The following MDGA2 variants were observed in gnomAD, a reference collection of about 807,000 sequenced individuals.
MDGA2 encodes MAM domain-containing glycosylphosphatidylinositol anchor protein 2.
A neutral mutation model predicts 117.8 loss-of-function variants in MDGA2; 40 were observed. The observed-to-expected ratio is 0.34, with a 90% CI of 0.26 to 0.44. MDGA2 has a LOEUF of 0.44. Among genes scored for constraint, MDGA2 ranks in the 20% least tolerant of loss-of-function variants. The pLI is 1.00. For synonymous variants in MDGA2, 452 were observed against 439.0 expected, an observed-to-expected ratio of 1.03 and a Z score of -0.37; for missense variants, 1,123 against 1,250.6, an observed-to-expected ratio of 0.90 and a Z score of 1.54.
intron 1 of MDGA2, among the ~76,000 whole-genome samples, chr14:47,615,643 T>A (rs1026924025): frequency 2.0e-5 from 3 of 152,200 alleles, no homozygotes; most frequent in Non-Finnish European, 4.4e-5. Flanking sequence ...AGAGGACAAA[T>A]GCACATTGAC....
At chr14:47,172,109 AG>A (rs1884174782) in intron 3 of MDGA2, among the ~76,000 whole-genome samples, 1 of 152,176 alleles carries the variant, frequency 6.6e-6, no homozygotes. Context: ...CACCCACCAT[AG>A]CCCAGGCTTG....
intron 3 of MDGA2, among the ~76,000 whole-genome samples, chr14:47,188,610 T>C (rs1011767943): frequency 1.3e-5 from 2 of 152,214 alleles, no homozygotes; most frequent in African/African-American, 2.4e-5. Context: ...TTGGTTATTT[T>C]AAGCCATAAA....
At chr14:47,101,467 C>T (rs1880320699) in intron 5 of MDGA2, among the ~76,000 whole-genome samples, 2 of 152,140 alleles carry the variant, frequency 1.3e-5, no homozygotes, top group Non-Finnish European at 1.5e-5. Flanking sequence ...TCCCAAACAT[C>T]TGGATATTCA....
intron 2 of MDGA2, among the ~76,000 whole-genome samples, chr14:47,258,357 G>A (rs1887689634): frequency 6.6e-6 from 1 of 152,076 alleles, no homozygotes; most frequent in African/African-American, 2.4e-5. Flanking sequence ...AAGGCGGAGA[G>A]GAAGGAGGCA....
chr14:47,673,820 G>C (rs932911208), intron 1 of MDGA2, among the ~76,000 whole-genome samples: 8 of 152,058 alleles, frequency 5.3e-5, no homozygotes, highest in Middle Eastern at 6.8e-3. Context: ...AGATGAGATT[G>C]TGTTCCCGCT....
At chr14:47,269,204 G>A (rs1888063898) in intron 2 of MDGA2, among the ~76,000 whole-genome samples, 1 of 152,038 alleles carries the variant, frequency 6.6e-6, no homozygotes, top group Admixed American at 6.6e-5. Context: ...CCTTCCCTAA[G>A]CATTTTTTTT....
intron 5 of MDGA2, among the ~76,000 whole-genome samples, chr14:47,104,964 A>C (rs1364628538): frequency 6.6e-6 from 1 of 152,136 alleles, no homozygotes; most frequent in Non-Finnish European, 1.5e-5. Context: ...TGGTGGAGAC[A>C]AAAGAGACAT....
Position 47,365,783 on chromosome 14 carries a change from A to G in MDGA2, c.281-64233T>C, listed in dbSNP as rs17118405. On this transcript the variant is annotated intron_variant, in intron 1 of 16. Transcript: ENST00000399232. ...CTTGCATAACATACTGCTTCATTGG[A>G]CCATTTAAATAATTTTTCCTCCTCC... is the stretch of plus-strand genomic sequence containing the variant. 2.3e-3 allele frequency among the ~76,000 whole-genome samples: 343 copies of G among 152,288 alleles called. 7 individuals carry two copies. In the East Asian group the frequency reaches 0.05, roughly 22 times the overall value.
intron 2 of MDGA2, among the ~76,000 whole-genome samples, chr14:47,254,313 T>G (rs1364564516): frequency 6.6e-6 from 1 of 152,206 alleles, no homozygotes; most frequent in Non-Finnish European, 1.5e-5. Flanking sequence ...TCCAAAATTT[T>G]ATGCTGTGTT....
chr14:47,567,776 GT>G (rs1895947112), intron 1 of MDGA2, among the ~76,000 whole-genome samples: 2 of 152,232 alleles, frequency 1.3e-5, no homozygotes, highest in Admixed American at 6.5e-5. Context: ...TCTATGTATA[GT>G]TTTTGTTTAT....
At chr14:47,253,538 C>A (rs542147402) in intron 2 of MDGA2, among the ~76,000 whole-genome samples, 2 of 152,370 alleles carry the variant, frequency 1.3e-5, no homozygotes, top group South Asian at 2.1e-4. Flanking sequence ...CCAGGGCATG[C>A]TGATGCAAGA....
intron 1 of MDGA2, among the ~76,000 whole-genome samples, chr14:47,667,898 T>C (rs975985160): frequency 6.6e-6 from 1 of 152,198 alleles, no homozygotes; most frequent in Non-Finnish European, 1.5e-5. Context: ...CAGTCCTTAA[T>C]ATAGATTTGA....
chr14:47,002,725 T>C (rs934759856), intron 8 of MDGA2, among the ~76,000 whole-genome samples: 1 of 151,800 alleles, frequency 6.6e-6, no homozygotes, highest in Non-Finnish European at 1.5e-5. Context: ...CAAGACTCTA[T>C]CTAAAAAAAA....
chr14:47,174,190 A>T (rs374953424), intron 3 of MDGA2, among the ~76,000 whole-genome samples: 9 of 152,122 alleles, frequency 5.9e-5, no homozygotes, highest in African/African-American at 1.4e-4. Context: ...CTCCCACACA[A>T]TAATAATGGG....
intron 2 of MDGA2, among the ~76,000 whole-genome samples, chr14:47,292,175 T>C (rs962693304): frequency 1.3e-5 from 2 of 152,216 alleles, no homozygotes; most frequent in African/African-American, 2.4e-5. Flanking sequence ...AGATGCATGA[T>C]GGAGACTATG....
intron 16 of MDGA2, among the ~76,000 whole-genome samples, chr14:46,844,099 G>C (rs1459665474): frequency 6.6e-6 from 1 of 151,872 alleles, no homozygotes; most frequent in Non-Finnish European, 1.5e-5. Flanking sequence ...ATTATAAAAT[G>C]GACCTGTGAC....
chr14:46,856,402 T>C (rs1881270776), intron 14 of MDGA2, among the ~76,000 whole-genome samples: 1 of 152,140 alleles, frequency 6.6e-6, no homozygotes, highest in African/African-American at 2.4e-5. Flanking sequence ...ATGTTCAAGA[T>C]ACAGAACATT....
At chr14:47,315,037 T>C (rs946877846) in intron 1 of MDGA2, among the ~76,000 whole-genome samples, 6 of 152,164 alleles carry the variant, frequency 3.9e-5, no homozygotes, top group African/African-American at 1.4e-4. Flanking sequence ...TCTTTGCTTT[T>C]TGCTTAATAT....
chr14:47,432,613 T>C (rs1394074108), intron 1 of MDGA2, among the ~76,000 whole-genome samples: 1 of 152,050 alleles, frequency 6.6e-6, no homozygotes, highest in Non-Finnish European at 1.5e-5. Flanking sequence ...TGAACTACCT[T>C]ATACTTTCTG....
Sources: allele counts gnomAD v4.1 joint callset (sites outside exome capture counted in the v4.1 genomes callset), GRCh38; gene constraint gnomAD v4.1.1; transcripts MANE v1.5; gene names NCBI Gene and HGNC (gene_info 2026-07-23, HGNC 2026-07-21).